Variants in EVI2A observed in about 807,000 individuals in gnomAD.
The protein encoded by EVI2A is ecotropic viral integration site 2A, also known as protein EVI2A.
A neutral mutation model predicts 13.0 loss-of-function variants in EVI2A; 11 were observed. That is an observed-to-expected ratio of 0.85 (90% CI 0.53 to 1.40). EVI2A has a LOEUF of 1.40. Ranked by LOEUF, EVI2A falls within the 40% of genes most tolerant of loss-of-function variation. The probability of loss-of-function intolerance (pLI) is 0.00; values close to 1 mark genes in which losing one functional copy is unlikely to be tolerated. For missense variants in EVI2A, 267 were observed against 279.5 expected (o/e 0.96, Z 0.32); for synonymous variants, 89 against 98.0 (o/e 0.91, Z 0.54).
intron 1 of EVI2A, among the ~76,000 whole-genome samples, chr17:31,319,400 TCTTA>T (rs1298206815): frequency 6.6e-6 from 1 of 152,044 alleles, no homozygotes; most frequent in Non-Finnish European, 1.5e-5. Flanking sequence ...TAAGGATCAT[TCTTA>T]CAGAAACTAC....
intron 1 of EVI2A, chr17:31,320,350 A>G: frequency 6.5e-7 from 1 of 1,538,838 alleles, no homozygotes; most frequent in East Asian, 2.3e-5. Context: ...ATTTAAAAAA[A>G]AAAAAAAAAG....
chr17:31,318,767 T>C lies in EVI2A; in HGVS notation c.247A>G (p.Ile83Val), dbSNP rs867698575. 1.2e-6 allele frequency: 2 copies of C among 1,614,118 alleles called. No individual in the cohort carries two copies. Among genetic ancestry groups the C allele is most frequent in the Admixed American group, 1.7e-5 (1 of 60,012 alleles). Residue 83 changes from isoleucine to valine, a missense_variant, in exon 2 of 2, where the codon ATC becomes GTC. Ile to Val is a conservative substitution (Grantham distance 29). Transcript: ENST00000462804. ...NSTNMPETSH[I>V]VALTSKSEQE... ...TCAGATTTAGAAGTTAAAGCTACGATGTGAGATGTTTCAGGCATGTTTGTA... is the reference window on the plus strand; with the variant it reads ...TCAGATTTAGAAGTTAAAGCTACGACGTGAGATGTTTCAGGCATGTTTGTA...
chr17:31,320,294 A>G lies in EVI2A; in HGVS notation c.-11+1201T>C, dbSNP rs934939517. 20 of 1,204,102 alleles carry G rather than the reference A, an allele frequency of 1.7e-5. No homozygotes were observed. In the Admixed American group the frequency reaches 4.5e-4, roughly 27 times the overall value. The allele number at this position is 1,204,102 out of a possible 1,614,324, so 74.6% of individuals were successfully genotyped here. A position where few individuals can be genotyped will look rare whatever the true frequency, so the allele number is the denominator to read the frequency against. On this transcript the variant is annotated intron_variant, in intron 1 of 1. Transcript: ENST00000462804. ...ATGAAATTGCCTGGTTAAGAACCCT[A>G]CGTATGCTATAGAAATTCTTCTCAA...
rs1439955151 is a variant in EVI2A, at chr17:31,318,310, A to G, written c.704T>C (p.Ile235Thr). The G allele has an allele frequency of 6.9e-6, 11 of 1,605,814 alleles. No individual in the cohort carries two copies. Among genetic ancestry groups the G allele is most frequent in the African/African-American group, 1.3e-5 (1 of 74,264 alleles). ...ACTTTGCATTTTTCTTCACTAACCT[A>G]TCTGTTTGTTAGTAAGTTTTTCAGT... ...EGTEKLTNKQIG is the reference protein window; with the variant it reads ...EGTEKLTNKQTG Residue 235 changes from isoleucine (I) to threonine (T), a missense_variant, in exon 2 of 2, where the codon ATA becomes ACA. Physicochemically the swap from Ile to Thr is moderately conservative, Grantham distance 89. Coordinates refer to ENST00000462804, the MANE Select transcript of EVI2A (RefSeq NM_014210.4).
rs1270277323 is a variant in EVI2A at position 31,318,457 on chromosome 17, C to T, written c.557G>A (p.Ser186Asn). ...QPRSNGDFLA[S>N]GLWPAESDTW... ...GTCTGATTCAGCGGGCCATAGACCG[C>T]TTGCCAGAAAATCGCCATTGCTTCT... Residue 186 changes from serine (S) to asparagine (N), a missense_variant, in exon 2 of 2, where the codon AGC (serine) becomes AAC (asparagine). Coordinates refer to ENST00000462804, the MANE Select transcript of EVI2A (RefSeq NM_014210.4). 1 of 1,614,004 alleles carries T rather than the reference C, an allele frequency of 6.2e-7. No individual in the cohort carries two copies. The highest frequency in any genetic ancestry group is 1.3e-5 in the African/African-American group (1 of 75,034).
At position 31,318,663 on chromosome 17, in the gene EVI2A, A is replaced by G. The variant is rs773681381; in HGVS notation, c.351T>C (p.His117=). ...AGACATCCTTTTTGAAAATTTCACC[A>G]TGACTTTTGCTTGTGTTTTCAATGC... ...VQSIENTSKS[H]GEIFKKDVCA... is the part of the protein sequence containing the mutation. Residue 117 remains histidine (H), a synonymous_variant, in exon 2 of 2, where the codon CAT becomes CAC. Transcript: ENST00000462804. The G allele has an allele frequency of 1.9e-6, 3 of 1,613,960 alleles. No homozygotes were observed. Among genetic ancestry groups the G allele is most frequent in the South Asian group, 2.2e-5 (2 of 91,086 alleles).
chr17:31,320,042 A>AT (rs1372470773), intron 1 of EVI2A, among the ~76,000 whole-genome samples: 18 of 152,210 alleles, frequency 1.2e-4, no homozygotes, highest in African/African-American at 3.8e-4. Flanking sequence ...TATATTATAC[A>AT]TTTTTTAAAT....
intron 1 of EVI2A, among the ~76,000 whole-genome samples, chr17:31,319,907 G>A (rs1031563790): frequency 4.6e-5 from 7 of 152,072 alleles, no homozygotes; most frequent in Non-Finnish European, 7.4e-5. Context: ...TAGAAATAGA[G>A]CATCAGGATC....
rs2151526076 is a variant in EVI2A, at chr17:31,318,153, T to C, written c.*150A>G. 1 of 894,678 alleles carries C rather than the reference T, an allele frequency of 1.1e-6. No individual in the cohort carries two copies. The highest frequency in any genetic ancestry group is 1.7e-6 in the Non-Finnish European group (1 of 598,096). 55.4% of individuals were successfully genotyped at this position (894,678 alleles called of 1,614,324 possible). ...CACAGTTTAAATAATTAAGCAGGCA[T>C]ACTTCTCCCTGTCTCACCTGCTTGA... On this transcript the variant is annotated 3_prime_UTR_variant, in exon 2 of 2. Transcript: ENST00000462804.
Position 31,318,160 on chromosome 17 carries a change from C to G in EVI2A, c.*143G>C, listed in dbSNP as rs184293387. 7.5e-5 allele frequency: 73 copies of G among 971,574 alleles called. No homozygotes were observed. The African/African-American group carries it at 1.1e-3, about 15-fold the overall frequency. The allele number at this position is 971,574 out of a possible 1,614,324, so 60.2% of individuals were successfully genotyped here. ...TAAATAATTAAGCAGGCATACTTCT[C>G]CCTGTCTCACCTGCTTGATTCTAAA... On this transcript the variant is annotated 3_prime_UTR_variant, in exon 2 of 2. Transcript: ENST00000462804.
rs1555626667 is a variant in EVI2A at position 31,318,589 on chromosome 17, A to G, written c.425T>C (p.Ile142Thr). ...NMAMLICLII[I>T]AVLFLICTFL... Reference sequence around the variant, plus strand: ...GGTACAGATAAGAAAAAGCACTGCAATTATAATTAAGCAAATTAGCATAGC... The same window carrying G: ...GGTACAGATAAGAAAAAGCACTGCAGTTATAATTAAGCAAATTAGCATAGC... The change falls in exon 2 of 2, where the codon ATT (isoleucine) becomes ACT (threonine). Residue 142 changes from isoleucine (I) to threonine (T), a missense_variant. Physicochemically the swap from Ile to Thr is moderately conservative, Grantham distance 89. Transcript: ENST00000462804. The G allele has an allele frequency of 1.9e-6, 3 of 1,614,118 alleles. No homozygotes were observed. Among genetic ancestry groups the G allele is most frequent in the African/African-American group, 1.3e-5 (1 of 75,050 alleles).
chr17:31,319,158 T>C, intron 1 of EVI2A, 135 bp from the exon 2 acceptor site: 1 of 895,852 alleles, frequency 1.1e-6, no homozygotes, highest in Non-Finnish European at 1.7e-6. Context: ...CTACCCTGAA[T>C]TCCTTCTCAA....
intron 1 of EVI2A, among the ~76,000 whole-genome samples, 194 bp downstream of exon 1, chr17:31,321,301 A>G (rs2069183638): frequency 1.3e-5 from 2 of 152,190 alleles, no homozygotes; most frequent in Non-Finnish European, 2.9e-5. Flanking sequence ...TTAAAACTCC[A>G]TGGCGATGGC....
chr17:31,318,443 CGGGCCA>C lies in EVI2A; in HGVS notation c.565_570del (p.Trp189_Pro190del), dbSNP rs1567892634. ...GTTCTTTTCCAAGTGTCTGATTCAGCGGGCCATAGACCGCTTGCCAGAAAATCGCCA... is the reference window on the plus strand; with the variant it reads ...GTTCTTTTCCAAGTGTCTGATTCAGCTAGACCGCTTGCCAGAAAATCGCCA... On this transcript the variant is annotated inframe_deletion, in exon 2 of 2. Coordinates refer to ENST00000462804, the MANE Select transcript of EVI2A (RefSeq NM_014210.4). 1 of 1,613,958 alleles carries C rather than the reference CGGGCCA, an allele frequency of 6.2e-7. No homozygotes were observed. Among genetic ancestry groups the C allele is most frequent in the Non-Finnish European group, 8.5e-7 (1 of 1,179,982 alleles).
rs1174043386 is a variant in EVI2A, at chr17:31,317,575, A to C, written c.*728T>G. On this transcript the variant is annotated 3_prime_UTR_variant, in exon 2 of 2. Coordinates refer to ENST00000462804, the MANE Select transcript of EVI2A (RefSeq NM_014210.4). ...ACACTTAGCCTATTGGTGTGGCTAT[A>C]AATCTTATTTATTTTAGTTGTGCTC... 1 of 152,166 alleles carries C rather than the reference A, an allele frequency of 6.6e-6. No individual in the cohort carries two copies. The highest frequency in any genetic ancestry group is 1.5e-5 in the Non-Finnish European group (1 of 68,010). 9.4% of individuals were successfully genotyped at this position (152,166 alleles called of 1,614,324 possible).
chr17:31,320,361 G>C, intron 1 of EVI2A: 1 of 1,532,864 alleles, frequency 6.5e-7, no homozygotes, highest in Non-Finnish European at 8.7e-7. Flanking sequence ...AAAAAAAAAG[G>C]CAGATTCTTA....
Position 31,317,219 on chromosome 17 carries a change from A to C in EVI2A, c.*1084T>G, listed in dbSNP as rs1299393205. ...CTTAGCCCTGTGTTAATTTCAGTAG[A>C]TATTTGGAAAGTCTCTCAAACCAAT... is the stretch of plus-strand genomic sequence containing the variant. On this transcript the variant is annotated 3_prime_UTR_variant, in exon 2 of 2. Transcript: ENST00000462804. Among the ~76,000 whole-genome samples the C allele has an allele frequency of 6.6e-6, 1 of 152,134 alleles. No homozygotes were observed. The highest frequency in any genetic ancestry group is 2.4e-5 in the African/African-American group (1 of 41,426).
In EVI2A at chr17:31,320,423, AAGCAACATGG is replaced by A. The variant is rs748205868; in HGVS notation, c.-11+1062_-11+1071del. 32 of 1,611,120 alleles carry A rather than the reference AAGCAACATGG, an allele frequency of 2.0e-5. No homozygotes were observed. In the Admixed American group the frequency reaches 4.0e-4, roughly 20 times the overall value. On this transcript the variant is annotated intron_variant, in intron 1 of 1. Transcript: ENST00000462804. ...AGTCTTTGTTTCCAAACCAACTCCTAAGCAACATGGATGCCACTGCTAGTCAGGCTTTTGA... is the reference window on the plus strand; with the variant it reads ...AGTCTTTGTTTCCAAACCAACTCCTAATGCCACTGCTAGTCAGGCTTTTGA...
intron 1 of EVI2A, chr17:31,320,924 C>G (rs973652936): frequency 2.6e-5 from 4 of 153,940 alleles, no homozygotes; most frequent in Admixed American, 6.5e-5. Context: ...TAGTATACAT[C>G]ATAGTATTGG....
Sources: gnomAD v4.1 joint callset for allele counts (sites outside exome capture counted in the v4.1 genomes callset) on GRCh38, gnomAD v4.1.1 for gene constraint, MANE v1.5 for transcripts, NCBI Gene and HGNC (gene_info 2026-07-23, HGNC 2026-07-21) for gene names.